Variants in SEZ6L observed in about 807,000 individuals in gnomAD.
The protein encoded by SEZ6L is seizure 6-like protein.
A neutral mutation model predicts 106.2 loss-of-function variants in SEZ6L; 37 were observed. The observed-to-expected ratio is 0.35, with a 90% CI of 0.27 to 0.46. The LOEUF (loss-of-function observed/expected upper bound fraction) is 0.46, where lower values mean the gene tolerates loss of function less well. Among genes scored for constraint, SEZ6L ranks in the 20% least tolerant of loss-of-function variants. The probability of loss-of-function intolerance (pLI) is 1.00; values close to 1 mark genes in which losing one functional copy is unlikely to be tolerated. For synonymous variants in SEZ6L, 541 were observed against 570.4 expected, an observed-to-expected ratio of 0.95 and a Z score of 0.73; for missense variants, 1,172 against 1,332.8, an observed-to-expected ratio of 0.88 and a Z score of 1.88.
At chr22:26,274,848 T>G (rs1488148056) in intron 1 of SEZ6L, among the ~76,000 whole-genome samples, 1 of 152,198 alleles carries the variant, frequency 6.6e-6, no homozygotes, top group Admixed American at 6.5e-5. Flanking sequence ...GCCCAGGGTT[T>G]TATCTGGGGT....
intron 9 of SEZ6L, among the ~76,000 whole-genome samples, chr22:26,320,382 C>T (rs930701799): frequency 1.3e-5 from 2 of 152,190 alleles, no homozygotes; most frequent in Non-Finnish European, 2.9e-5. Context: ...GCATCGCCCT[C>T]CCCAAGGCAG....
intron 1 of SEZ6L, among the ~76,000 whole-genome samples, chr22:26,268,406 GCAACA>G (rs2080256620): frequency 6.6e-6 from 1 of 152,162 alleles, no homozygotes; most frequent in Admixed American, 6.5e-5. Context: ...GCAAGGAGGG[GCAACA>G]TGACCAAGGT....
intron 9 of SEZ6L, among the ~76,000 whole-genome samples, chr22:26,321,148 G>A (rs750336722): frequency 6.6e-6 from 1 of 152,202 alleles, no homozygotes; most frequent in African/African-American, 2.4e-5. Context: ...GACATCCCAA[G>A]CAGTTACATC....
chr22:26,357,335 A>G (rs1408329817), intron 12 of SEZ6L, among the ~76,000 whole-genome samples: 4 of 152,128 alleles, frequency 2.6e-5, no homozygotes, highest in African/African-American at 9.7e-5. Flanking sequence ...GAACCCTGGC[A>G]CTAGCCCCTG....
intron 10 of SEZ6L, among the ~76,000 whole-genome samples, chr22:26,343,808 G>A (rs1191892851): frequency 2.0e-5 from 3 of 152,174 alleles, no homozygotes. Flanking sequence ...TGTTATTCCT[G>A]TTAAAGAAAC....
At chr22:26,357,268 C>T (rs1601603654) in intron 12 of SEZ6L, among the ~76,000 whole-genome samples, 1 of 152,092 alleles carries the variant, frequency 6.6e-6, no homozygotes, top group African/African-American at 2.4e-5. Context: ...TTAAAAATCC[C>T]ACAGCACCCC....
At chr22:26,313,993 T>A in intron 9 of SEZ6L, 91 bp downstream of exon 9, 1 of 1,327,654 alleles carries the variant, frequency 7.5e-7, no homozygotes, top group Non-Finnish European at 1.1e-6. Flanking sequence ...CAACCAATAT[T>A]AACTAAGCAT....
intron 1 of SEZ6L, among the ~76,000 whole-genome samples, chr22:26,225,723 G>A (rs569527195): frequency 6.6e-5 from 10 of 152,168 alleles, no homozygotes; most frequent in Non-Finnish European, 1.3e-4. Context: ...GAAACCTTAA[G>A]CAGCTGCATT....
chr22:26,320,726 G>C (rs2082130822), intron 9 of SEZ6L, among the ~76,000 whole-genome samples: 1 of 152,128 alleles, frequency 6.6e-6, no homozygotes, highest in African/African-American at 2.4e-5. Flanking sequence ...GAATGTGAGG[G>C]AGAAGCTTTC....
chr22:26,213,931 GAAAA>G (rs899376300), intron 1 of SEZ6L, among the ~76,000 whole-genome samples: 4 of 152,276 alleles, frequency 2.6e-5, no homozygotes, highest in African/African-American at 9.6e-5. Flanking sequence ...TTAAAAAAAA[GAAAA>G]AGAAAGAAAG....
At chr22:26,272,438 A>T (rs1311044611) in intron 1 of SEZ6L, among the ~76,000 whole-genome samples, 1 of 152,154 alleles carries the variant, frequency 6.6e-6, no homozygotes, top group African/African-American at 2.4e-5. Context: ...CCACAAAAAA[A>T]CCGAATTTTT....
At chr22:26,365,598 C>T (rs763035288) in intron 13 of SEZ6L, 32 bp downstream of exon 13, 45 of 1,580,738 alleles carry the variant, frequency 2.8e-5, no homozygotes, top group East Asian at 9.0e-5. Context: ...ACAGGGTCCA[C>T]GGGGCCTGGA....
intron 2 of SEZ6L, among the ~76,000 whole-genome samples, 167 bp from the exon 3 acceptor site, chr22:26,294,125 C>A (rs2081224247): frequency 6.6e-6 from 1 of 152,158 alleles, no homozygotes; most frequent in African/African-American, 2.4e-5. Context: ...TCAATTATTG[C>A]TATTTTTATT....
rs369544399 is a variant in SEZ6L at position 26,293,995 on chromosome 22, T to A, written c.836-297T>A. Among the ~76,000 whole-genome samples, 6 of 152,334 alleles carry A rather than the reference T, an allele frequency of 3.9e-5. No homozygotes were observed. The South Asian group carries it at 1.2e-3, about 32-fold the overall frequency. On this transcript the variant is annotated intron_variant, in intron 2 of 16. Transcript: ENST00000248933. ...TGAGCTCGGCCCCTCTCTGAGCTTT[T>A]GTTTACTTCCCTCTAAACTGGGGAT...
intron 1 of SEZ6L, among the ~76,000 whole-genome samples, chr22:26,270,462 G>GA (rs1379464076): frequency 2.1e-4 from 16 of 76,182 alleles, no homozygotes; most frequent in African/African-American, 5.8e-4. Flanking sequence ...CAATTGTGAG[G>GA]GGTGTGTGTG....
chr22:26,376,511 G>A (rs1008536566), intron 15 of SEZ6L, among the ~76,000 whole-genome samples: 1 of 152,128 alleles, frequency 6.6e-6, no homozygotes, highest in Non-Finnish European at 1.5e-5. Context: ...GGAGGCCAAC[G>A]CAGGTGAATC....
At chr22:26,325,904 G>A (rs960976846) in intron 9 of SEZ6L, among the ~76,000 whole-genome samples, 3 of 148,314 alleles carry the variant, frequency 2.0e-5, no homozygotes, top group Admixed American at 1.4e-4. Context: ...TACAAACTGA[G>A]CTCCTTTGCA....
intron 1 of SEZ6L, among the ~76,000 whole-genome samples, chr22:26,292,026 AGG>A (rs2081130513): frequency 1.8e-5 from 2 of 110,994 alleles, no homozygotes; most frequent in Non-Finnish European, 3.8e-5. Context: ...GAAGGAAGGA[AGG>A]AAGGAAGGAT....
In SEZ6L at chr22:26,257,822, C is replaced by A. The variant is rs183897773; in HGVS notation, c.95-34584C>A. 3.2e-3 allele frequency among the ~76,000 whole-genome samples: 488 copies of A among 152,296 alleles called. 1 individual carries two copies. The highest frequency in any genetic ancestry group is 0.011 in the African/African-American group (441 of 41,560). Reference sequence around the variant, plus strand: ...AGCTTGGAGAAGAACAGGCATTTAACTCCAGACAGCATTCAGAGTCTTATA... The same window carrying A: ...AGCTTGGAGAAGAACAGGCATTTAAATCCAGACAGCATTCAGAGTCTTATA... On this transcript the variant is annotated intron_variant, in intron 1 of 16. Transcript: ENST00000248933.
Sources: gnomAD v4.1 joint callset for allele counts (sites outside exome capture counted in the v4.1 genomes callset) on GRCh38, gnomAD v4.1.1 for gene constraint, MANE v1.5 for transcripts, NCBI Gene and HGNC (gene_info 2026-07-23, HGNC 2026-07-21) for gene names.